Variants in CACNA1D observed in about 807,000 individuals in gnomAD.
CACNA1D encodes the protein calcium voltage-gated channel subunit alpha1 D, also known as voltage-dependent L-type calcium channel subunit alpha-1D.
A neutral mutation model predicts 257.1 loss-of-function variants in CACNA1D; 55 were observed. That is an observed-to-expected ratio of 0.21 (90% CI 0.17 to 0.27). The LOEUF (loss-of-function observed/expected upper bound fraction) is 0.27. Ranked by LOEUF, CACNA1D falls within the 10% of genes least tolerant of loss-of-function variation. The pLI is 1.00. For synonymous variants in CACNA1D, 980 were observed against 1,014.9 expected (o/e 0.97, Z 0.65); for missense variants, 1,876 against 2,784.0 (o/e 0.67, Z 7.34).
chr3:53,509,592 T>C (rs1402671584), intron 3 of CACNA1D, among the ~76,000 whole-genome samples: 1 of 152,080 alleles, frequency 6.6e-6, no homozygotes, highest in African/African-American at 2.4e-5. Flanking sequence ...CTGGAGGGAA[T>C]CAGGGGCTGA....
At chr3:53,675,734 T>C (rs2094369003) in intron 8 of CACNA1D, among the ~76,000 whole-genome samples, 1 of 152,174 alleles carries the variant, frequency 6.6e-6, no homozygotes, top group African/African-American at 2.4e-5. Flanking sequence ...TTTACTGAAA[T>C]ATATTTTGGG....
chr3:53,672,535 A>G (rs1385321634), intron 7 of CACNA1D, among the ~76,000 whole-genome samples: 1 of 152,180 alleles, frequency 6.6e-6, no homozygotes, highest in Admixed American at 6.5e-5. Flanking sequence ...GTTTGTCTCT[A>G]TAATTAAGAC....
rs536467169 is a variant in CACNA1D, at chr3:53,545,124, C to T, written c.483+43404C>T. 4.6e-5 allele frequency among the ~76,000 whole-genome samples: 7 copies of T among 152,268 alleles called. No homozygotes were observed. The East Asian group carries it at 1.4e-3, about 29-fold the overall frequency. On this transcript the variant is annotated intron_variant, in intron 3 of 47. Coordinates refer to ENST00000350061, the MANE Select transcript of CACNA1D (RefSeq NM_001128840.3). ...TGGCAAGTCACTTTAACTTTTTGGG[C>T]CTAGGTTTTCTTAACAGTGAGATGC...
intron 30 of CACNA1D, among the ~76,000 whole-genome samples, chr3:53,762,889 T>C (rs931835181): frequency 6.6e-6 from 1 of 152,186 alleles, no homozygotes; most frequent in Non-Finnish European, 1.5e-5. Flanking sequence ...CTAATTAAAG[T>C]TATAAGGGCT....
intron 8 of CACNA1D, among the ~76,000 whole-genome samples, chr3:53,676,095 C>T (rs1412359538): frequency 6.6e-6 from 1 of 152,180 alleles, no homozygotes; most frequent in Admixed American, 6.5e-5. Flanking sequence ...CAGACAGCGG[C>T]CTTGTGCTTA....
intron 8 of CACNA1D, among the ~76,000 whole-genome samples, chr3:53,683,805 A>G (rs914822054): frequency 1.3e-5 from 2 of 152,210 alleles, no homozygotes; most frequent in Non-Finnish European, 2.9e-5. Flanking sequence ...AAACAACAAT[A>G]AGCAATCTGG....
chr3:53,734,123 C>G (rs1056049180), intron 19 of CACNA1D, among the ~76,000 whole-genome samples: 1 of 150,604 alleles, frequency 6.6e-6, no homozygotes, highest in African/African-American at 2.4e-5. Flanking sequence ...AGTTCTTTCC[C>G]AGACTCAACT....
chr3:53,704,406 A>G (rs945589641), intron 9 of CACNA1D, among the ~76,000 whole-genome samples: 1 of 152,166 alleles, frequency 6.6e-6, no homozygotes, highest in African/African-American at 2.4e-5. Flanking sequence ...TTAGCACCTG[A>G]GGATCAGAAG....
At chr3:53,781,040 C>T (rs2095422888) in intron 38 of CACNA1D, among the ~76,000 whole-genome samples, 1 of 152,192 alleles carries the variant, frequency 6.6e-6, no homozygotes, top group Admixed American at 6.5e-5. Flanking sequence ...TTAAGGGCTC[C>T]AGAAGGCAGA....
At chr3:53,736,784 A>G (rs1576506316) in intron 20 of CACNA1D, among the ~76,000 whole-genome samples, 1 of 151,290 alleles carries the variant, frequency 6.6e-6, no homozygotes, top group Non-Finnish European at 1.5e-5. Context: ...GCTACTTGGG[A>G]GGCTGAGGTG....
intron 3 of CACNA1D, among the ~76,000 whole-genome samples, chr3:53,511,896 T>C (rs574101265): frequency 7.9e-5 from 12 of 152,318 alleles, no homozygotes; most frequent in African/African-American, 2.9e-4. Context: ...TATTTGAATA[T>C]ATGTGGTTTT....
At chr3:53,664,526 T>C (rs13059652) in intron 5 of CACNA1D, among the ~76,000 whole-genome samples, 2 of 152,248 alleles carry the variant, frequency 1.3e-5, no homozygotes, top group African/African-American at 4.8e-5. Context: ...TTTTCTTTCG[T>C]GATTTTCTTT....
intron 8 of CACNA1D, among the ~76,000 whole-genome samples, chr3:53,680,671 G>A (rs2094421731): frequency 6.6e-6 from 1 of 152,148 alleles, no homozygotes; most frequent in Non-Finnish European, 1.5e-5. Context: ...TGAAATTAAA[G>A]CCATAATTTT....
intron 9 of CACNA1D, among the ~76,000 whole-genome samples, chr3:53,709,839 C>A (rs1254475976): frequency 1.3e-5 from 2 of 152,364 alleles, no homozygotes; most frequent in South Asian, 2.1e-4. Context: ...TCACCTCTTA[C>A]AACAACCTTA....
At chr3:53,786,646 C>A in intron 39 of CACNA1D, 176 bp from the exon 40 acceptor site, 1 of 625,412 alleles carries the variant, frequency 1.6e-6, no homozygotes, top group Non-Finnish European at 2.9e-6. Flanking sequence ...TTTGCAAAAC[C>A]TTGCTTTTTG....
Position 53,753,449 on chromosome 3 carries a change from C to T in CACNA1D, c.3676-123C>T, listed in dbSNP as rs72556359. 3.1e-3 allele frequency: 2,350 copies of T among 753,780 alleles called. 34 individuals are homozygous for T. In the African/African-American group the frequency reaches 0.032, roughly 10 times the overall value. 46.7% of individuals were successfully genotyped at this position (753,780 alleles called of 1,614,324 possible). The stretch of plus-strand genomic sequence containing the variant: ...GACCTTGCAATGCCGGTGGAATTGC[C>T]CAGCGAGGGTGCTGGGCTGTGGAGG... On this transcript the variant is annotated intron_variant, in intron 28 of 47. Coordinates refer to ENST00000350061, the MANE Select transcript of CACNA1D (RefSeq NM_001128840.3).
chr3:53,559,609 T>C (rs1039877843), intron 3 of CACNA1D, among the ~76,000 whole-genome samples: 1 of 152,188 alleles, frequency 6.6e-6, no homozygotes, highest in African/African-American at 2.4e-5. Context: ...GTCTGGGACC[T>C]GGGCAATGAT....
chr3:53,717,315 G>T (rs935543989), intron 9 of CACNA1D, among the ~76,000 whole-genome samples: 2 of 152,222 alleles, frequency 1.3e-5, no homozygotes, highest in African/African-American at 4.8e-5. Context: ...AAGTGAGCTG[G>T]GGGCTGCCTG....
intron 4 of CACNA1D, among the ~76,000 whole-genome samples, chr3:53,654,521 A>G (rs956018532): frequency 1.3e-5 from 2 of 152,194 alleles, no homozygotes; most frequent in African/African-American, 4.8e-5. Context: ...TAAGATGTAT[A>G]TTGTAAACCC....
Sources: gnomAD v4.1 joint callset for allele counts (sites outside exome capture counted in the v4.1 genomes callset) on GRCh38, gnomAD v4.1.1 for gene constraint, MANE v1.5 for transcripts, NCBI Gene and HGNC (gene_info 2026-07-23, HGNC 2026-07-21) for gene names.